GRID1: variants seen among roughly 807,000 people sequenced by gnomAD.
The protein encoded by GRID1 is glutamate ionotropic receptor delta type subunit 1, also known as glutamate receptor ionotropic, delta-1.
Under a neutral mutation model 98.0 loss-of-function variants are expected in GRID1, and 28 were observed. That is an observed-to-expected ratio of 0.29 (90% CI 0.21 to 0.39). The LOEUF is 0.39. Among genes scored for constraint, GRID1 ranks in the 10% least tolerant of loss-of-function variants. The probability of loss-of-function intolerance (pLI) is 1.00; values close to 1 mark genes in which losing one functional copy is unlikely to be tolerated. For missense variants in GRID1, 1,111 were observed against 1,340.5 expected, an observed-to-expected ratio of 0.83 and a Z score of 2.67; for synonymous variants, 553 against 538.5, an observed-to-expected ratio of 1.03 and a Z score of -0.37.
At chr10:85,692,664 T>TA (rs59335128) in intron 12 of GRID1, among the ~76,000 whole-genome samples, 116,242 of 136,128 alleles carry the variant, frequency 0.85, 49,752 homozygotes, top group East Asian at 0.91. Context: ...GAGACCCTGT[T>TA]AAAAAAAAAA....
chr10:85,792,080 TC>T (rs1400900935), intron 8 of GRID1, among the ~76,000 whole-genome samples: 2 of 152,174 alleles, frequency 1.3e-5, no homozygotes, highest in Non-Finnish European at 2.9e-5. Flanking sequence ...ACTTAAGTTA[TC>T]TACCCAAGCT....
intron 2 of GRID1, among the ~76,000 whole-genome samples, chr10:86,213,083 C>T (rs558860378): frequency 6.6e-6 from 1 of 152,310 alleles, no homozygotes; most frequent in South Asian, 2.1e-4. Flanking sequence ...CACTTTCCAA[C>T]TTCCCAGAGA....
At chr10:86,320,256 GGA>G (rs1443643946) in intron 2 of GRID1, among the ~76,000 whole-genome samples, 1 of 152,226 alleles carries the variant, frequency 6.6e-6, no homozygotes, top group African/African-American at 2.4e-5. Flanking sequence ...CTTTTGCACA[GGA>G]ATGAAGAGGG....
At chr10:85,935,885 T>G (rs746041748) in intron 4 of GRID1, among the ~76,000 whole-genome samples, 1 of 152,230 alleles carries the variant, frequency 6.6e-6, no homozygotes, top group Non-Finnish European at 1.5e-5. Flanking sequence ...CTAAACTCTC[T>G]GCACACTACC....
chr10:85,816,150 C>G (rs1378669043), intron 8 of GRID1, among the ~76,000 whole-genome samples: 1 of 152,088 alleles, frequency 6.6e-6, no homozygotes, highest in African/African-American at 2.4e-5. Context: ...CTACTTATGA[C>G]ATGACCCATC....
chr10:85,818,016 A>G (rs1167415664), intron 8 of GRID1, among the ~76,000 whole-genome samples: 2 of 152,240 alleles, frequency 1.3e-5, no homozygotes, highest in Non-Finnish European at 2.9e-5. Context: ...TCTGAACCTA[A>G]ATACCAAAAG....
intron 8 of GRID1, among the ~76,000 whole-genome samples, chr10:85,820,770 G>A (rs184671389): frequency 2.6e-4 from 39 of 152,052 alleles, no homozygotes; most frequent in African/African-American, 8.2e-4. Flanking sequence ...TATACTACAC[G>A]GAGGCAAGGC....
chr10:86,131,791 T>A (rs1844842413), intron 4 of GRID1, among the ~76,000 whole-genome samples: 1 of 152,148 alleles, frequency 6.6e-6, no homozygotes, highest in Non-Finnish European at 1.5e-5. Flanking sequence ...GGCTGGAGTG[T>A]TAAGAATGTG....
At chr10:86,179,154 C>T (rs1845618767) in intron 3 of GRID1, among the ~76,000 whole-genome samples, 1 of 151,998 alleles carries the variant, frequency 6.6e-6, no homozygotes. Flanking sequence ...GCTAAGTTCC[C>T]GGGCCTCCAC....
At chr10:85,792,936 T>C (rs1842494297) in intron 8 of GRID1, among the ~76,000 whole-genome samples, 1 of 152,134 alleles carries the variant, frequency 6.6e-6, no homozygotes, top group African/African-American at 2.4e-5. Flanking sequence ...GCATGAAACA[T>C]TTCAGATTAA....
intron 4 of GRID1, among the ~76,000 whole-genome samples, chr10:85,936,082 G>A (rs1423355607): frequency 6.6e-6 from 1 of 152,150 alleles, no homozygotes; most frequent in Non-Finnish European, 1.5e-5. Flanking sequence ...GTTCTATGGA[G>A]GGGTGGGGTG....
At chr10:86,251,347 T>C (rs1483486004) in intron 2 of GRID1, among the ~76,000 whole-genome samples, 2 of 55,834 alleles carry the variant, frequency 3.6e-5, no homozygotes, top group African/African-American at 6.8e-5. Context: ...GATCAATAAA[T>C]ACTAAAAAAA....
chr10:86,193,872 C>A (rs886402870), intron 3 of GRID1, among the ~76,000 whole-genome samples: 23 of 151,996 alleles, frequency 1.5e-4, no homozygotes, highest in African/African-American at 5.3e-4. Flanking sequence ...CTCCCACTAC[C>A]GCTCACTCCC....
At chr10:85,881,325 A>C (rs1023399412) in intron 5 of GRID1, among the ~76,000 whole-genome samples, 1 of 152,226 alleles carries the variant, frequency 6.6e-6, no homozygotes, top group Non-Finnish European at 1.5e-5. Context: ...AGTCAAGCCT[A>C]AGCCAAAAGA....
chr10:86,133,950 C>T (rs1023753459), intron 4 of GRID1, among the ~76,000 whole-genome samples: 9 of 152,226 alleles, frequency 5.9e-5, no homozygotes, highest in African/African-American at 2.2e-4. Context: ...TTAATTTTTC[C>T]ACTCTTTCCA....
intron 8 of GRID1, among the ~76,000 whole-genome samples, chr10:85,819,255 G>GA (rs909951965): frequency 6.6e-6 from 1 of 152,116 alleles, no homozygotes; most frequent in African/African-American, 2.4e-5. Flanking sequence ...AAATTAGTGG[G>GA]AAAAAATTAA....
intron 2 of GRID1, among the ~76,000 whole-genome samples, chr10:86,322,368 C>T (rs920597390): frequency 6.6e-6 from 1 of 152,156 alleles, no homozygotes; most frequent in African/African-American, 2.4e-5. Context: ...TTGACAGAAC[C>T]TACCACATGC....
chr10:85,869,600 A>G (rs1468417459), intron 5 of GRID1, among the ~76,000 whole-genome samples: 3 of 152,240 alleles, frequency 2.0e-5, no homozygotes, highest in African/African-American at 7.2e-5. Flanking sequence ...GTTTCCATGA[A>G]TTCTTCCAGA....
At chr10:85,862,038 C>A (rs1843168220) in intron 6 of GRID1, among the ~76,000 whole-genome samples, 1 of 152,230 alleles carries the variant, frequency 6.6e-6, no homozygotes, top group African/African-American at 2.4e-5. Flanking sequence ...GCCCCAGTTG[C>A]TGTTGTCCCC....
Sources: gnomAD v4.1 joint callset for allele counts (sites outside exome capture counted in the v4.1 genomes callset) on GRCh38, gnomAD v4.1.1 for gene constraint, MANE v1.5 for transcripts, NCBI Gene and HGNC (gene_info 2026-07-23, HGNC 2026-07-21) for gene names.